The following ATXN1L variants were observed in gnomAD, a reference collection of about 807,000 sequenced individuals.
The protein encoded by ATXN1L is ataxin-1-like.
Under a neutral mutation model 43.4 loss-of-function variants are expected in ATXN1L, and 8 were observed. That is an observed-to-expected ratio of 0.18 (90% CI 0.11 to 0.33). The LOEUF (loss-of-function observed/expected upper bound fraction) is 0.33. ATXN1L is among the 10% of genes least tolerant of loss of function. ATXN1L has a pLI of 1.00. For missense variants in ATXN1L, 856 were observed against 885.4 expected (o/e 0.97, Z 0.42); for synonymous variants, 379 against 360.6 (o/e 1.05, Z -0.58).
In ATXN1L at chr16:71,849,888, G is replaced by C. The variant is rs1038831110; in HGVS notation, c.148G>C (p.Val50Leu). Residue 50 changes from valine (V) to leucine (L), a missense_variant, in exon 3 of 3, where the codon GTG (valine) becomes CTG (leucine). By Grantham distance (32) the Val-to-Leu change is conservative. Around this residue, in one of 7 missense-constraint regions of ATXN1L, gnomAD observed 93 missense variants for 113.4 expected, o/e 0.82. Coordinates refer to ENST00000427980, the MANE Select transcript of ATXN1L (RefSeq NM_001137675.4). ...TGCTTCTGAATGGTCCCGAGGGGTT[G>C]TGGTGGCTGGGCAGAGCCAGGCAGG... ...SDASEWSRGV[V>L]VAGQSQAGAR... 4.5e-6 allele frequency: 7 copies of C among 1,551,158 alleles called. No individual in the cohort carries two copies. The highest frequency in any genetic ancestry group is 6.1e-6 in the Non-Finnish European group (7 of 1,146,684).
chr16:71,850,492 G>C lies in ATXN1L; in HGVS notation c.752G>C (p.Ser251Thr). ...TLHETPPAGA[S>T]PVLTPQESQS... is the part of the protein sequence containing the mutation. ...CATGAAACCCCTCCAGCAGGTGCCAGCCCAGTTCTTACCCCTCAGGAGAGC... is the reference window on the plus strand; with the variant it reads ...CATGAAACCCCTCCAGCAGGTGCCACCCCAGTTCTTACCCCTCAGGAGAGC... The change falls in exon 3 of 3, where the codon AGC becomes ACC. Residue 251 changes from serine (S) to threonine (T), a missense_variant. Transcript: ENST00000427980. The C allele has an allele frequency of 1.3e-6, 2 of 1,551,746 alleles. No individual in the cohort carries two copies. The highest frequency in any genetic ancestry group is 8.7e-7 in the Non-Finnish European group (1 of 1,147,006).
chr16:71,851,933 A>C lies in ATXN1L; in HGVS notation c.*123A>C. ...TTCTTGGCAGTGAGATTTGGGGGAA[A>C]GGGGAGGCATGAAGTCAGCCTCCCA... is the stretch of plus-strand genomic sequence containing the variant. On this transcript the variant is annotated 3_prime_UTR_variant, in exon 3 of 3. Transcript: ENST00000427980. The surrounding 1 kb of genome is among the most constrained non-coding windows in gnomAD (Gnocchi z 4.9). 1 of 1,171,342 alleles carries C rather than the reference A, an allele frequency of 8.5e-7. No homozygotes were observed. The allele number at this position is 1,171,342 out of a possible 1,614,324, so 72.6% of individuals were successfully genotyped here.
chr16:71,847,318 T>C (rs2033452994), intron 1 of ATXN1L, among the ~76,000 whole-genome samples: 1 of 152,190 alleles, frequency 6.6e-6, no homozygotes, highest in Non-Finnish European at 1.5e-5. Flanking sequence ...GTAGTTTTGT[T>C]TCACCAGTGT....
In ATXN1L at chr16:71,850,746, G is replaced by A. The variant is rs1351830325; in HGVS notation, c.1006G>A (p.Glu336Lys). 10 of 1,551,584 alleles carry A rather than the reference G, an allele frequency of 6.4e-6. No homozygotes were observed. The Admixed American group carries it at 1.8e-4, about 27-fold the overall frequency. ...AHRGTPDTDL[E>K]VQRVVGALAS... ...CCGGGGGACCCCGGACACTGACCTT[G>A]AGGTCCAGCGGGTGGTTGGCGCTTT... The change falls in exon 3 of 3, where the codon GAG becomes AAG. Residue 336 changes from glutamate to lysine, a missense_variant. This residue lies in a region of ATXN1L where 490 missense variants were observed against 449.4 expected (regional missense o/e 1.09). Transcript: ENST00000427980.
In ATXN1L at chr16:71,849,216, TA is replaced by T. The variant is rs71153674; in HGVS notation, c.-117-382del. On this transcript the variant is annotated intron_variant, in intron 2 of 2. Transcript: ENST00000427980. ...AACAAGAGCAAAACTCCATGTGTTT[TA>T]AAAAAAAAAAAAAAAAAAAAAAAAA... Among the ~76,000 whole-genome samples the T allele has an allele frequency of 2.3e-3, 167 of 71,260 alleles. 1 individual carries two copies. Among genetic ancestry groups the T allele is most frequent in the African/African-American group, 8.5e-3 (158 of 18,668 alleles). 46.7% of individuals were successfully genotyped at this position (71,260 alleles called of 152,430 possible). A position where few individuals can be genotyped will look rare whatever the true frequency, so the allele number is the denominator to read the frequency against.
At chr16:71,849,216 T>TAAA (rs71153674) in intron 2 of ATXN1L, among the ~76,000 whole-genome samples, 30 of 71,236 alleles carry the variant, frequency 4.2e-4, no homozygotes, top group African/African-American at 1.3e-3. Context: ...CCATGTGTTT[T>TAAA]AAAAAAAAAA....
chr16:71,847,117 A>T (rs1042892152), intron 1 of ATXN1L, among the ~76,000 whole-genome samples: 1 of 152,218 alleles, frequency 6.6e-6, no homozygotes, highest in East Asian at 1.9e-4. Flanking sequence ...CACCTTGCCA[A>T]TCTTAAGAGA....
At position 71,849,689 on chromosome 16, in the gene ATXN1L, C is replaced by T. The variant is rs1266430876; in HGVS notation, c.-52C>T. On this transcript the variant is annotated 5_prime_UTR_variant, in exon 3 of 3. Transcript: ENST00000427980. ...AGCTACAGAGAAGCCCCTTCTGATG[C>T]CCCAGGGAGCAAGTCGACTCCTTCC... 12 of 1,454,200 alleles carry T rather than the reference C, an allele frequency of 8.3e-6. No homozygotes were observed. In the South Asian group the frequency reaches 1.2e-4, roughly 15 times the overall value. 90.1% of individuals were successfully genotyped at this position (1,454,200 alleles called of 1,614,324 possible). A position where few individuals can be genotyped will look rare whatever the true frequency, so the allele number is the denominator to read the frequency against.
Position 71,851,302 on chromosome 16 carries a change from T to G in ATXN1L, c.1562T>G (p.Phe521Cys). The change falls in exon 3 of 3, where the codon TTT becomes TGT. Residue 521 changes from phenylalanine to cysteine, a missense_variant. Phe to Cys is a radical substitution (Grantham distance 205). Coordinates refer to ENST00000427980, the MANE Select transcript of ATXN1L (RefSeq NM_001137675.4). The surrounding 1 kb of genome is among the most constrained non-coding windows in gnomAD (Gnocchi z 4.9). ...ATTCAGGAGAGCCAATGGCCTGGAT[T>G]TGTCATGCTGCATTTTGTGGTTGGT... ...VDIQESQWPG[F>C]VMLHFVVGEQ... The G allele has an allele frequency of 6.4e-7, 1 of 1,551,546 alleles. No homozygotes were observed. Among genetic ancestry groups the G allele is most frequent in the Non-Finnish European group, 8.7e-7 (1 of 1,146,960 alleles).
At position 71,850,749 on chromosome 16, in the gene ATXN1L, G is replaced by C; in HGVS notation, c.1009G>C (p.Val337Leu). Residue 337 changes from valine to leucine, a missense_variant, in exon 3 of 3, where the codon GTC (valine) becomes CTC (leucine). Val to Leu is a conservative substitution (Grantham distance 32, BLOSUM62 1). This residue lies in a region of ATXN1L where 490 missense variants were observed against 449.4 expected (regional missense o/e 1.09). Transcript: ENST00000427980. ...GGGGACCCCGGACACTGACCTTGAG[G>C]TCCAGCGGGTGGTTGGCGCTTTAGC... is the stretch of plus-strand genomic sequence containing the variant. ...HRGTPDTDLE[V>L]QRVVGALASQ... 1 of 1,551,690 alleles carries C rather than the reference G, an allele frequency of 6.4e-7. No homozygotes were observed. Among genetic ancestry groups the C allele is most frequent in the Non-Finnish European group, 8.7e-7 (1 of 1,146,990 alleles).
Position 71,851,906 on chromosome 16 carries a change from C to A in ATXN1L, c.*96C>A. The A allele has an allele frequency of 7.7e-7, 1 of 1,299,378 alleles. No homozygotes were observed. The highest frequency in any genetic ancestry group is 1.0e-6 in the Non-Finnish European group (1 of 998,942). The allele number at this position is 1,299,378 out of a possible 1,614,324, so 80.5% of individuals were successfully genotyped here. A position where few individuals can be genotyped will look rare whatever the true frequency, so the allele number is the denominator to read the frequency against. On this transcript the variant is annotated 3_prime_UTR_variant, in exon 3 of 3. Transcript: ENST00000427980. This position sits in a 1 kb window ranked among gnomAD's most constrained non-coding sequence, Gnocchi z 4.9. ...TTTGCACACGCCGAGCAGGGAATGGCTTTCTTGGCAGTGAGATTTGGGGGA... is the reference window on the plus strand; with the variant it reads ...TTTGCACACGCCGAGCAGGGAATGGATTTCTTGGCAGTGAGATTTGGGGGA...
rs893734086 is a variant in ATXN1L at position 71,851,526 on chromosome 16, G to A, written c.1786G>A (p.Ala596Thr). The A allele has an allele frequency of 3.2e-6, 5 of 1,551,586 alleles. No individual in the cohort carries two copies. The highest frequency in any genetic ancestry group is 4.4e-6 in the Non-Finnish European group (5 of 1,146,956). ...NSNSVSQASC[A>T]PPSQLGPPRE... The stretch of plus-strand genomic sequence containing the variant: ...TAACTCAGTTTCTCAGGCCAGCTGT[G>A]CTCCCCCAAGCCAGCTGGGTCCCCC... The change falls in exon 3 of 3, where the codon GCT becomes ACT. Residue 596 changes from alanine to threonine, a missense_variant. Physicochemically the swap from Ala to Thr is moderately conservative, Grantham distance 58. Transcript: ENST00000427980. This position sits in a 1 kb window ranked among gnomAD's most constrained non-coding sequence, Gnocchi z 4.9.
At chr16:71,846,511 C>G (rs1235319653) in intron 1 of ATXN1L, among the ~76,000 whole-genome samples, 1 of 152,224 alleles carries the variant, frequency 6.6e-6, no homozygotes, top group African/African-American at 2.4e-5. Context: ...TAACCGTAGT[C>G]TCTGACAAGC....
Position 71,849,902 on chromosome 16 carries a change from G to A in ATXN1L, c.162G>A (p.Gln54=). Residue 54 remains glutamine (Q), a synonymous_variant, in exon 3 of 3, where the codon CAG becomes CAA. Coordinates refer to ENST00000427980, the MANE Select transcript of ATXN1L (RefSeq NM_001137675.4). ...CCCGAGGGGTTGTGGTGGCTGGGCA[G>A]AGCCAGGCAGGAGCCAGAGTCAGCC... ...EWSRGVVVAG[Q]SQAGARVSLG... 6.4e-7 allele frequency: 1 copy of A among 1,551,314 alleles called. No individual in the cohort carries two copies. The highest frequency in any genetic ancestry group is 8.7e-7 in the Non-Finnish European group (1 of 1,146,702).
intron 2 of ATXN1L, 98 bp downstream of exon 2, chr16:71,848,169 T>G (rs2033462541): frequency 2.4e-5 from 10 of 424,028 alleles, no homozygotes; most frequent in South Asian, 1.7e-4. Context: ...TCTTTTCAGA[T>G]CCAAAGAACT....
At position 71,853,348 on chromosome 16, in the gene ATXN1L, C is replaced by T. The variant is rs755428803; in HGVS notation, c.*1538C>T. 1 of 166,990 alleles carries T rather than the reference C, an allele frequency of 6.0e-6. No homozygotes were observed. The highest frequency in any genetic ancestry group is 2.1e-4 in the South Asian group (1 of 4,818). 10.3% of individuals were successfully genotyped at this position (166,990 alleles called of 1,614,324 possible). A position where few individuals can be genotyped will look rare whatever the true frequency, so the allele number is the denominator to read the frequency against. ...GTTCCACTGGGTATTGGGAATTAGG[C>T]TCCCCCACTAGCTTTCAGGTGGGTA... On this transcript the variant is annotated 3_prime_UTR_variant, in exon 3 of 3. Coordinates refer to ENST00000427980, the MANE Select transcript of ATXN1L (RefSeq NM_001137675.4).
In ATXN1L at chr16:71,852,268, C is replaced by G. The variant is rs970090915; in HGVS notation, c.*458C>G. On this transcript the variant is annotated 3_prime_UTR_variant, in exon 3 of 3. Coordinates refer to ENST00000427980, the MANE Select transcript of ATXN1L (RefSeq NM_001137675.4). ...TTTTTGTGGTAGAAGGGCAGGAGGC[C>G]CCAAGGTTGGAAATAAGAGGGTTCC... 6.0e-6 allele frequency: 1 copy of G among 167,482 alleles called. No individual in the cohort carries two copies. Among genetic ancestry groups the G allele is most frequent in the Admixed American group, 6.5e-5 (1 of 15,282 alleles). The allele number at this position is 167,482 out of a possible 1,614,324, so 10.4% of individuals were successfully genotyped here.
At position 71,851,025 on chromosome 16, in the gene ATXN1L, C is replaced by G. The variant is rs1344143576; in HGVS notation, c.1285C>G (p.Leu429Val). Residue 429 changes from leucine to valine, a missense_variant, in exon 3 of 3, where the codon CTG (leucine) becomes GTG (valine). Transcript: ENST00000427980. The surrounding 1 kb of genome is among the most constrained non-coding windows in gnomAD (Gnocchi z 4.9). ...GGTGCCCACTGGAACTGACTCAGGCCTGCTGCCTGTGGGCTCGGAGATCCT... is the reference window on the plus strand; with the variant it reads ...GGTGCCCACTGGAACTGACTCAGGCGTGCTGCCTGTGGGCTCGGAGATCCT... ...NLVPTGTDSGLLPVGSEILVA... is the reference protein window; with the variant it reads ...NLVPTGTDSGVLPVGSEILVA... 18 of 1,551,586 alleles carry G rather than the reference C, an allele frequency of 1.2e-5. No homozygotes were observed. The Admixed American group carries it at 2.9e-4, about 25-fold the overall frequency.
At position 71,852,764 on chromosome 16, in the gene ATXN1L, A is replaced by T. The variant is rs1401421573; in HGVS notation, c.*954A>T. ...GTGCCCAAGTGCCTGCGCCACCCCC[A>T]CCCTCCTGCTGCGCTGACCGCTGCA... On this transcript the variant is annotated 3_prime_UTR_variant, in exon 3 of 3. Transcript: ENST00000427980. 1.8e-5 allele frequency: 3 copies of T among 165,998 alleles called. No homozygotes were observed. Among genetic ancestry groups the T allele is most frequent in the African/African-American group, 7.3e-5 (3 of 40,944 alleles). 10.3% of individuals were successfully genotyped at this position (165,998 alleles called of 1,614,324 possible).
Sources: allele counts gnomAD v4.1 joint callset (sites outside exome capture counted in the v4.1 genomes callset), GRCh38; gene constraint gnomAD v4.1.1; regional missense constraint gnomAD v4.1.1; non-coding constraint Gnocchi (gnomAD v3.1); transcripts MANE v1.5; gene names NCBI Gene and HGNC (gene_info 2026-07-23, HGNC 2026-07-21).